The following NEK11 variants were observed in gnomAD, a reference collection of about 807,000 sequenced individuals.
NEK11 encodes serine/threonine-protein kinase Nek11.
A neutral mutation model predicts 80.7 loss-of-function variants in NEK11; 72 were observed. The observed-to-expected ratio is 0.89, with a 90% CI of 0.74 to 1.08. NEK11 has a LOEUF of 1.08. NEK11 is among the 50% of genes least tolerant of loss of function. The pLI, the probability that NEK11 is intolerant of heterozygous loss-of-function variation, is 0.00. For synonymous variants in NEK11, 251 were observed against 260.7 expected, an observed-to-expected ratio of 0.96 and a Z score of 0.36; for missense variants, 764 against 763.6, an observed-to-expected ratio of 1.00 and a Z score of -0.01.
chr3:131,069,739 A>C lies in NEK11; in HGVS notation c.171-10684A>C, dbSNP rs566995187. ...AACTATCGCAAGAACAAAAAACTAA[A>C]CACCGCATATTCTCACTCATAGGTG... On this transcript the variant is annotated intron_variant, in intron 3 of 17. Coordinates refer to ENST00000383366, the MANE Select transcript of NEK11 (RefSeq NM_024800.5). Among the ~76,000 whole-genome samples the C allele has an allele frequency of 2.4e-4, 36 of 151,132 alleles. 1 individual carries two copies. In the South Asian group the frequency reaches 7.6e-3, roughly 32 times the overall value.
intron 3 of NEK11, among the ~76,000 whole-genome samples, chr3:131,032,459 T>C (rs887526564): frequency 6.6e-6 from 1 of 152,254 alleles, no homozygotes; most frequent in African/African-American, 2.4e-5. Context: ...TTACTGTCTC[T>C]GGCATACAGC....
chr3:131,158,858 A>C (rs910285170), intron 10 of NEK11, among the ~76,000 whole-genome samples: 3 of 152,200 alleles, frequency 2.0e-5, no homozygotes, highest in African/African-American at 7.2e-5. Flanking sequence ...ACCATCCTAC[A>C]AAATGGTATG....
At chr3:131,078,732 G>C (rs1304467179) in intron 3 of NEK11, among the ~76,000 whole-genome samples, 1 of 151,774 alleles carries the variant, frequency 6.6e-6, no homozygotes, top group African/African-American at 2.4e-5. Flanking sequence ...CTGGTACTTG[G>C]TTAAAAAAAG....
At chr3:131,115,278 CAG>C (rs545478444) in intron 5 of NEK11, among the ~76,000 whole-genome samples, 7 of 152,308 alleles carry the variant, frequency 4.6e-5, no homozygotes, top group Non-Finnish European at 8.8e-5. Flanking sequence ...GTCCTTTGGA[CAG>C]GGACTGAATT....
At chr3:131,075,128 A>G (rs2074124716) in intron 3 of NEK11, among the ~76,000 whole-genome samples, 1 of 152,142 alleles carries the variant, frequency 6.6e-6, no homozygotes, top group Non-Finnish European at 1.5e-5. Context: ...GCTGTGTCCA[A>G]AGGCTCTGCT....
At chr3:131,247,018 G>A (rs964141695) in intron 16 of NEK11, among the ~76,000 whole-genome samples, 2 of 151,958 alleles carry the variant, frequency 1.3e-5, no homozygotes, top group Non-Finnish European at 2.9e-5. Flanking sequence ...CTGAATATTA[G>A]TGCTTTGTTG....
chr3:131,089,510 C>T (rs2076437004), intron 4 of NEK11, among the ~76,000 whole-genome samples: 1 of 152,184 alleles, frequency 6.6e-6, no homozygotes, highest in Non-Finnish European at 1.5e-5. Flanking sequence ...GGGATCTTGG[C>T]TCACTGTAAC....
intron 16 of NEK11, among the ~76,000 whole-genome samples, chr3:131,272,463 CTTTTTTTTTTTTTTT>C (rs869304359): frequency 9.1e-5 from 4 of 43,882 alleles, no homozygotes; most frequent in East Asian, 9.3e-4. Context: ...GTTTTAGCTT[CTTTTTTTTTTTTTTT>C]TTTTTTTTTT....
At chr3:131,057,502 C>T (rs2069800015) in intron 3 of NEK11, among the ~76,000 whole-genome samples, 1 of 151,004 alleles carries the variant, frequency 6.6e-6, no homozygotes, top group South Asian at 2.1e-4. Flanking sequence ...ACAGTCCCAC[C>T]AACAGTGTAA....
chr3:131,228,272 T>A (rs777374212), intron 14 of NEK11, among the ~76,000 whole-genome samples: 1 of 152,186 alleles, frequency 6.6e-6, no homozygotes, highest in Non-Finnish European at 1.5e-5. Context: ...TTATTTATTC[T>A]TATTTAATGA....
chr3:131,264,173 C>T (rs147905197), intron 16 of NEK11, among the ~76,000 whole-genome samples: 20,834 of 152,112 alleles, frequency 0.14, 2,159 homozygotes, highest in East Asian at 0.3. Flanking sequence ...TGCCTGTTCA[C>T]TCTGATGGTA....
At chr3:131,067,909 G>A (rs2072343910) in intron 3 of NEK11, among the ~76,000 whole-genome samples, 1 of 152,198 alleles carries the variant, frequency 6.6e-6, no homozygotes, top group Admixed American at 6.5e-5. Context: ...AAAACGGACG[G>A]TTTTGGGGTC....
At chr3:131,206,217 A>G (rs747736596) in intron 14 of NEK11, among the ~76,000 whole-genome samples, 5 of 152,224 alleles carry the variant, frequency 3.3e-5, no homozygotes, top group Non-Finnish European at 7.3e-5. Flanking sequence ...AAAACTTCAG[A>G]CAAAGTGAAG....
intron 14 of NEK11, among the ~76,000 whole-genome samples, chr3:131,219,686 T>C (rs918497813): frequency 6.6e-6 from 1 of 152,180 alleles, no homozygotes; most frequent in Admixed American, 6.6e-5. Flanking sequence ...CCAACCCTGC[T>C]GGCCCCTTAA....
intron 17 of NEK11, among the ~76,000 whole-genome samples, chr3:131,299,216 T>C (rs1176280793): frequency 1.3e-5 from 2 of 152,208 alleles, no homozygotes; most frequent in Non-Finnish European, 2.9e-5. Context: ...CTTTTGTTTT[T>C]CTTTTTGTTT....
intron 4 of NEK11, among the ~76,000 whole-genome samples, chr3:131,083,954 A>G (rs778552112): frequency 1.3e-5 from 2 of 152,124 alleles, no homozygotes; most frequent in African/African-American, 2.4e-5. Context: ...ACACCTTTTC[A>G]TCTTTGCTTA....
chr3:131,178,013 A>G (rs2093134080), intron 14 of NEK11, among the ~76,000 whole-genome samples: 1 of 152,250 alleles, frequency 6.6e-6, no homozygotes, highest in Admixed American at 6.5e-5. Context: ...AAACCTGTAC[A>G]GCATATTACT....
Position 131,077,064 on chromosome 3 carries a change from C to G in NEK11, c.171-3359C>G, listed in dbSNP as rs1021148979. ...GGAATGAAATTAGCCATAGTTATCC[C>G]GAATTTCCAAAGTTATTCTCAAAGT... is the stretch of plus-strand genomic sequence containing the variant. On this transcript the variant is annotated intron_variant, in intron 3 of 17. Coordinates refer to ENST00000383366, the MANE Select transcript of NEK11 (RefSeq NM_024800.5). 5.3e-5 allele frequency among the ~76,000 whole-genome samples: 8 copies of G among 152,180 alleles called. No homozygotes were observed. The South Asian group carries it at 1.7e-3, about 32-fold the overall frequency.
At chr3:131,223,404 C>T (rs548425426) in intron 14 of NEK11, among the ~76,000 whole-genome samples, 1 of 152,094 alleles carries the variant, frequency 6.6e-6, no homozygotes, top group Admixed American at 6.6e-5. Context: ...TCCTTCTTCC[C>T]CTTCTAGGAG....
Sources: gnomAD v4.1 joint callset for allele counts (sites outside exome capture counted in the v4.1 genomes callset) on GRCh38, gnomAD v4.1.1 for gene constraint, MANE v1.5 for transcripts, NCBI Gene and HGNC (gene_info 2026-07-23, HGNC 2026-07-21) for gene names.